SH3KBP1: variants seen among roughly 807,000 people sequenced by gnomAD.
SH3KBP1 encodes the protein SH3 domain-containing kinase-binding protein 1.
Under a neutral mutation model 50.1 loss-of-function variants are expected in SH3KBP1, and 8 were observed. That is an observed-to-expected ratio of 0.16 (90% CI 0.09 to 0.29). The LOEUF (loss-of-function observed/expected upper bound fraction) is 0.29, where lower values mean the gene tolerates loss of function less well. SH3KBP1 is among the 10% of genes least tolerant of loss of function. The pLI, the probability that SH3KBP1 is intolerant of heterozygous loss-of-function variation, is 1.00. For synonymous variants in SH3KBP1, 227 were observed against 218.6 expected, an observed-to-expected ratio of 1.04 and a Z score of -0.34; for missense variants, 377 against 535.2, an observed-to-expected ratio of 0.70 and a Z score of 2.92.
intron 2 of SH3KBP1, among the ~76,000 whole-genome samples, chrX:19,769,650 G>A (rs1037143489): frequency 1.8e-5 from 2 of 111,042 alleles, no homozygotes; most frequent in African/African-American, 3.3e-5. Context: ...GAACTCTCAC[G>A]TTGCAGTTTG....
At chrX:19,617,122 T>C (rs2067640555) in intron 8 of SH3KBP1, among the ~76,000 whole-genome samples, 1 of 112,647 alleles carries the variant, frequency 8.9e-6, no homozygotes, top group South Asian at 3.6e-4. Flanking sequence ...ATGAGTCTGC[T>C]ACTCTTTGTT....
intron 2 of SH3KBP1, among the ~76,000 whole-genome samples, chrX:19,805,612 G>A (rs1357659281): frequency 9.3e-6 from 1 of 108,046 alleles, no homozygotes; most frequent in African/African-American, 3.4e-5. Flanking sequence ...TGACAGATTT[G>A]GGTGCCCCTC....
intron 15 of SH3KBP1, among the ~76,000 whole-genome samples, chrX:19,543,126 G>C (rs1411158034): frequency 9.0e-6 from 1 of 111,538 alleles, no homozygotes; most frequent in East Asian, 2.8e-4. Context: ...ATTGTTCCCA[G>C]TGCTGGGGGC....
At chrX:19,793,208 G>A (rs2066593344) in intron 2 of SH3KBP1, among the ~76,000 whole-genome samples, 1 of 108,928 alleles carries the variant, frequency 9.2e-6, no homozygotes, top group African/African-American at 3.4e-5. Context: ...TGAGGTGGGA[G>A]GATTGTTTGA....
chrX:19,631,979 A>C, intron 7 of SH3KBP1, 21 bp from the exon 8 acceptor site: 1 of 1,031,817 alleles, frequency 9.7e-7, no homozygotes, highest in Non-Finnish European at 1.3e-6. Context: ...AACAGAAAAC[A>C]TAACCTTTAA....
Position 19,691,356 on chromosome X carries a change from C to CTCTA in SH3KBP1, c.520+4255_520+4256insTAGA, listed in dbSNP as rs1556252171. On this transcript the variant is annotated intron_variant, in intron 5 of 17. Transcript: ENST00000397821. ...TCTCTCTCTCTCTCTCTCTCTCTCT[C>CTCTA]TATATATATATATATCTTTTGAGAT... Among the ~76,000 whole-genome samples the CTCTA allele has an allele frequency of 3.9e-4, 29 of 73,553 alleles. 1 individual carries two copies. Among genetic ancestry groups the CTCTA allele is most frequent in the South Asian group, 2.4e-3 (3 of 1,251 alleles). The allele number at this position is 73,553 out of a possible 115,157, so 63.9% of individuals were successfully genotyped here. A position where few individuals can be genotyped will look rare whatever the true frequency, so the allele number is the denominator to read the frequency against.
intron 9 of SH3KBP1, among the ~76,000 whole-genome samples, chrX:19,600,652 TTAACAG>T (rs2067060434): frequency 9.0e-6 from 1 of 111,339 alleles, no homozygotes; most frequent in Non-Finnish European, 1.9e-5. Flanking sequence ...TGTGTGGAGT[TTAACAG>T]TAATAAGATA....
At chrX:19,799,074 T>C (rs1276498856) in intron 2 of SH3KBP1, among the ~76,000 whole-genome samples, 2 of 111,194 alleles carry the variant, frequency 1.8e-5, no homozygotes, top group East Asian at 5.7e-4. Context: ...CTTTCTCTCC[T>C]GTCTCCCATC....
Position 19,666,987 on chromosome X carries a change from T to C in SH3KBP1, c.726+16836A>G, listed in dbSNP as rs747658264. Reference sequence around the variant, plus strand: ...ATGAATAGATAAACAAAATGCATTATATCCATAGAATGAAATAATACTCAG... The same window carrying C: ...ATGAATAGATAAACAAAATGCATTACATCCATAGAATGAAATAATACTCAG... On this transcript the variant is annotated intron_variant, in intron 6 of 17. Coordinates refer to ENST00000397821, the MANE Select transcript of SH3KBP1 (RefSeq NM_031892.3). Among the ~76,000 whole-genome samples, 5 of 112,606 alleles carry C rather than the reference T, an allele frequency of 4.4e-5. No individual in the cohort carries two copies. The South Asian group carries it at 1.5e-3, about 33-fold the overall frequency.
rs374902968 is a variant in SH3KBP1 at position 19,880,613 on chromosome X, G to A, written c.4+6694C>T. On this transcript the variant is annotated intron_variant, in intron 1 of 17. Coordinates refer to ENST00000397821, the MANE Select transcript of SH3KBP1 (RefSeq NM_031892.3). The stretch of plus-strand genomic sequence containing the variant: ...AGCAGGCTCCCACAGATGCACAAGC[G>A]GTGTGGGAGGCTGAACAATGACTTC... Among the ~76,000 whole-genome samples, 12 of 112,516 alleles carry A rather than the reference G, an allele frequency of 1.1e-4. No homozygotes were observed. The East Asian group carries it at 1.1e-3, about 10-fold the overall frequency.
chrX:19,789,319 AG>A (rs1456698052), intron 2 of SH3KBP1, among the ~76,000 whole-genome samples: 3 of 111,013 alleles, frequency 2.7e-5, no homozygotes, highest in Non-Finnish European at 5.7e-5. Context: ...TTGTCAACTC[AG>A]GGTGTTGTGG....
At chrX:19,624,968 G>A (rs1004041609) in intron 8 of SH3KBP1, among the ~76,000 whole-genome samples, 2 of 112,004 alleles carry the variant, frequency 1.8e-5, no homozygotes, top group Admixed American at 9.5e-5. Context: ...AGGGTGACAC[G>A]TGCTAATTTA....
chrX:19,620,526 A>T (rs1207152268), intron 8 of SH3KBP1, among the ~76,000 whole-genome samples: 1 of 112,491 alleles, frequency 8.9e-6, no homozygotes, highest in Non-Finnish European at 1.9e-5. Flanking sequence ...CGAGTAAAAA[A>T]TACAATTCCA....
chrX:19,621,138 G>A (rs1371866429), intron 8 of SH3KBP1, among the ~76,000 whole-genome samples: 1 of 97,583 alleles, frequency 1.0e-5, no homozygotes. Context: ...GCAGTGGCGC[G>A]ATCTTGGCTC....
At chrX:19,876,344 G>C (rs2069250025) in intron 1 of SH3KBP1, among the ~76,000 whole-genome samples, 1 of 111,886 alleles carries the variant, frequency 8.9e-6, no homozygotes, top group South Asian at 3.7e-4. Context: ...CTGGGCAACA[G>C]AGTGAGACTC....
intron 8 of SH3KBP1, among the ~76,000 whole-genome samples, chrX:19,617,503 G>A (rs1569345621): frequency 8.9e-6 from 1 of 112,542 alleles, no homozygotes; most frequent in South Asian, 3.7e-4. Flanking sequence ...GAGAAAGAAT[G>A]TGTGAAATGA....
chrX:19,616,474 T>C (rs2067618289), intron 8 of SH3KBP1, among the ~76,000 whole-genome samples: 3 of 112,114 alleles, frequency 2.7e-5, no homozygotes, highest in Admixed American at 1.9e-4. Context: ...GGGATGCCAA[T>C]ATTAACTGAA....
chrX:19,721,125 C>G (rs1439845935), intron 3 of SH3KBP1, among the ~76,000 whole-genome samples: 1 of 110,849 alleles, frequency 9.0e-6, no homozygotes, highest in East Asian at 2.8e-4. Flanking sequence ...GGGAGGAAGC[C>G]TAGGTATTTC....
intron 8 of SH3KBP1, among the ~76,000 whole-genome samples, chrX:19,619,168 C>T (rs976395246): frequency 1.8e-5 from 2 of 110,741 alleles, no homozygotes; most frequent in Non-Finnish European, 3.8e-5. Flanking sequence ...CCCAGCTACT[C>T]GGGAGGCCGA....
Sources: gnomAD v4.1 joint callset for allele counts (sites outside exome capture counted in the v4.1 genomes callset) on GRCh38, gnomAD v4.1.1 for gene constraint, MANE v1.5 for transcripts, NCBI Gene and HGNC (gene_info 2026-07-23, HGNC 2026-07-21) for gene names.